The following ODAD4 variants were observed in gnomAD, a reference collection of about 807,000 sequenced individuals.
ODAD4 encodes the protein outer dynein arm-docking complex subunit 4.
A neutral mutation model predicts 51.8 loss-of-function variants in ODAD4; 49 were observed. The ratio of observed to expected loss-of-function variants is 0.95; its 90% confidence interval spans 0.75 to 1.20. The LOEUF (loss-of-function observed/expected upper bound fraction) is 1.20. ODAD4 is among the 50% of genes most tolerant of loss of function. The probability of loss-of-function intolerance (pLI) is 0.00; values close to 1 mark genes in which losing one functional copy is unlikely to be tolerated. For missense variants in ODAD4, 590 were observed against 586.5 expected (o/e 1.01, Z -0.06); for synonymous variants, 235 against 221.3 (o/e 1.06, Z -0.55).
chr17:41,952,191 A>AC, intron 9 of ODAD4, among the ~76,000 whole-genome samples: 1 of 151,846 alleles, frequency 6.6e-6, no homozygotes, highest in Admixed American at 6.6e-5. Flanking sequence ...ACATAGTGAA[A>AC]CCCCATCTCT....
chr17:41,942,783 G>T (rs1290598538), intron 7 of ODAD4, among the ~76,000 whole-genome samples: 1 of 152,198 alleles, frequency 6.6e-6, no homozygotes, highest in African/African-American at 2.4e-5. Context: ...GCAGGCAGTG[G>T]GAGGTCTGGA....
At chr17:41,951,502 C>T (rs925998921) in intron 9 of ODAD4, among the ~76,000 whole-genome samples, 28 of 151,774 alleles carry the variant, frequency 1.8e-4, no homozygotes, top group African/African-American at 6.5e-4. Flanking sequence ...TGCAGTGGCG[C>T]GATCTTGGCT....
intron 2 of ODAD4, 52 bp downstream of exon 2, chr17:41,935,400 T>C: frequency 6.3e-7 from 1 of 1,597,138 alleles, no homozygotes; most frequent in Non-Finnish European, 8.5e-7. Context: ...TAGCAACTTC[T>C]GGTTACAAGT....
chr17:41,945,003 C>T (rs2050566498), intron 7 of ODAD4, 133 bp from the exon 8 acceptor site: 2 of 669,056 alleles, frequency 3.0e-6, no homozygotes, highest in East Asian at 5.5e-5. Context: ...CCTTGCTGGG[C>T]TGGACATTGT....
intron 10 of ODAD4, among the ~76,000 whole-genome samples, chr17:41,960,426 T>C (rs912091894): frequency 3.3e-5 from 5 of 151,264 alleles, no homozygotes; most frequent in Admixed American, 6.6e-5. Context: ...CCAGCATGCA[T>C]GATAGAGCGA....
intron 10 of ODAD4, among the ~76,000 whole-genome samples, chr17:41,959,513 G>T (rs2050776772): frequency 1.3e-5 from 2 of 152,222 alleles, no homozygotes; most frequent in Admixed American, 6.5e-5. Flanking sequence ...ACCCTGAGAA[G>T]TGAAGGCTCA....
chr17:41,945,527 G>A (rs1176305964), intron 8 of ODAD4, among the ~76,000 whole-genome samples: 6 of 151,918 alleles, frequency 3.9e-5, no homozygotes, highest in African/African-American at 7.3e-5. Flanking sequence ...AGTTATTGCC[G>A]GTGAATCTGT....
intron 10 of ODAD4, among the ~76,000 whole-genome samples, chr17:41,960,648 T>C (rs2050793178): frequency 6.6e-6 from 1 of 152,168 alleles, no homozygotes; most frequent in South Asian, 2.1e-4. Context: ...AAGGTACCTG[T>C]GACCCTCACT....
chr17:41,957,762 C>T (rs2050752549), intron 10 of ODAD4, among the ~76,000 whole-genome samples: 1 of 152,120 alleles, frequency 6.6e-6, no homozygotes, highest in Admixed American at 6.5e-5. Context: ...ATACCAGCTT[C>T]CTGTCTTCCT....
chr17:41,938,474 G>C (rs994237529), intron 5 of ODAD4, 83 bp from the exon 6 acceptor site: 2 of 1,138,440 alleles, frequency 1.8e-6, no homozygotes, highest in Non-Finnish European at 2.6e-6. Context: ...AGAGGGCCCT[G>C]CAGCGGCCAC....
chr17:41,949,872 C>T (rs1469195644), intron 9 of ODAD4, among the ~76,000 whole-genome samples: 1 of 151,828 alleles, frequency 6.6e-6, no homozygotes, highest in African/African-American at 2.4e-5. Context: ...CAGGGTTTCA[C>T]CATGTTGGCT....
At chr17:41,935,919 GGCACCAC>G (rs1368658326) in intron 3 of ODAD4, among the ~76,000 whole-genome samples, 170 bp downstream of exon 3, 1 of 152,208 alleles carries the variant, frequency 6.6e-6, no homozygotes, top group Non-Finnish European at 1.5e-5. Context: ...CATGGTGGCG[GGCACCAC>G]CTGTCTGCTG....
chr17:41,938,665 T>G lies in ODAD4; in HGVS notation c.734T>G (p.Ile245Ser). ...AACTTCTGGAGGCAGCAGAAGCCGA[T>G]CTACGCCAGGGAGCGGGACCGGAAG... ...HSNFWRQQKP[I>S]YARERDRKLM... The change falls in exon 6 of 12, where the codon ATC becomes AGC. Residue 245 changes from isoleucine to serine, a missense_variant. Physicochemically the swap from Ile to Ser is moderately radical, Grantham distance 142. Coordinates refer to ENST00000377540, the MANE Select transcript of ODAD4 (RefSeq NM_031421.5). 1.2e-6 allele frequency: 2 copies of G among 1,613,918 alleles called. No homozygotes were observed. Among genetic ancestry groups the G allele is most frequent in the Non-Finnish European group, 1.7e-6 (2 of 1,179,880 alleles).
chr17:41,943,540 C>A (rs1555638986), intron 7 of ODAD4, among the ~76,000 whole-genome samples: 1 of 152,192 alleles, frequency 6.6e-6, no homozygotes, highest in Non-Finnish European at 1.5e-5. Flanking sequence ...TACAAAGTAC[C>A]TTCTTGAGGG....
intron 10 of ODAD4, among the ~76,000 whole-genome samples, chr17:41,956,044 T>C (rs2050727485): frequency 6.7e-6 from 1 of 148,212 alleles, no homozygotes; most frequent in Admixed American, 6.7e-5. Context: ...AAACTGTACT[T>C]AGCTTTTTTT....
chr17:41,935,129 T>A, intron 1 of ODAD4, 88 bp from the exon 2 acceptor site: 1 of 1,501,598 alleles, frequency 6.7e-7, no homozygotes, highest in Non-Finnish European at 9.1e-7. Flanking sequence ...AGAAATCCCC[T>A]CTGCAGGAGG....
chr17:41,961,902 C>G (rs990717627), intron 11 of ODAD4, among the ~76,000 whole-genome samples: 1 of 152,116 alleles, frequency 6.6e-6, no homozygotes, highest in Non-Finnish European at 1.5e-5. Context: ...GTGCATGCAA[C>G]GGGGCGTGGG....
Position 41,953,192 on chromosome 17 carries a change from C to G in ODAD4, c.1343-2025C>G, listed in dbSNP as rs571045505. Among the ~76,000 whole-genome samples, 13 of 152,214 alleles carry G rather than the reference C, an allele frequency of 8.5e-5. No individual in the cohort carries two copies. The South Asian group carries it at 2.3e-3, about 27-fold the overall frequency. ...TCTTCTGCCTCAGCCTCCCAGGTAG[C>G]TGGGATTACATGCGTCCACCACCAT... On this transcript the variant is annotated intron_variant, in intron 9 of 11. Transcript: ENST00000377540.
intron 10 of ODAD4, among the ~76,000 whole-genome samples, chr17:41,955,614 G>C (rs962488302): frequency 1.8e-4 from 27 of 152,068 alleles, no homozygotes; most frequent in African/African-American, 6.3e-4. Context: ...TTTTAGTAGA[G>C]ACAGGGTTTC....
Sources: allele counts gnomAD v4.1 joint callset (sites outside exome capture counted in the v4.1 genomes callset), GRCh38; gene constraint gnomAD v4.1.1; transcripts MANE v1.5; gene names NCBI Gene and HGNC (gene_info 2026-07-23, HGNC 2026-07-21).